The following PAK4 variants were observed in gnomAD, a reference collection of about 807,000 sequenced individuals.
PAK4 encodes serine/threonine-protein kinase PAK 4.
Under a neutral mutation model 53.5 loss-of-function variants are expected in PAK4, and 49 were observed. That is an observed-to-expected ratio of 0.92 (90% CI 0.73 to 1.16). PAK4 has a LOEUF of 1.16. Ranked by LOEUF, PAK4 falls within the 50% of genes most tolerant of loss-of-function variation. The probability of loss-of-function intolerance (pLI) is 0.00; values close to 1 mark genes in which losing one functional copy is unlikely to be tolerated. For missense variants in PAK4, 824 were observed against 850.7 expected (o/e 0.97, Z 0.39); for synonymous variants, 376 against 375.6 (o/e 1.00, Z -0.01).
At chr19:39,174,869 G>A in intron 4 of PAK4, 62 bp from the exon 6 acceptor site, 1 of 1,602,554 alleles carries the variant, frequency 6.2e-7, no homozygotes. Context: ...GGGTGGCGGT[G>A]GCTGGGTCTG....
chr19:39,169,662 C>T lies in PAK4; in HGVS notation c.109C>T (p.Arg37Cys), dbSNP rs781536944. ...CGAGCAGAAGTTCACGGGGCTGCCC[C>T]GCCAGTGGCAGAGCCTGATCGAGGA... is the stretch of plus-strand genomic sequence containing the variant. Residue 37 changes from arginine to cysteine, a missense_variant, in exon 2 of 9, where the codon CGC becomes TGC. Physicochemically the swap from Arg to Cys is radical, Grantham distance 180. Around this residue, in one of 2 missense-constraint regions of PAK4, gnomAD observed 478 missense variants for 435.8 expected, o/e 1.10. Transcript: ENST00000358301. 5.6e-6 allele frequency: 9 copies of T among 1,613,538 alleles called. No homozygotes were observed. The highest frequency in any genetic ancestry group is 3.3e-5 in the South Asian group (3 of 91,074).
chr19:39,131,788 A>C (rs1452477524), intron 1 of PAK4, among the ~76,000 whole-genome samples: 1 of 152,162 alleles, frequency 6.6e-6, no homozygotes, highest in Admixed American at 6.5e-5. Flanking sequence ...AGGGCTGCTC[A>C]GTCCACACAC....
At chr19:39,139,243 AGCTGGTGATCAGCC>A (rs532382346) in intron 1 of PAK4, among the ~76,000 whole-genome samples, 2,112 of 152,262 alleles carry the variant, frequency 0.014, 27 homozygotes, top group Non-Finnish European at 0.023. Context: ...CTCCTGTCAG[AGCTGGTGATCAGCC>A]GCACGGCCCC....
In PAK4 at chr19:39,173,303, C is replaced by T. The variant is rs752329610; in HGVS notation, c.590C>T (p.Ala197Val). 16 of 1,600,354 alleles carry T rather than the reference C, an allele frequency of 1.0e-5. No individual in the cohort carries two copies. Among genetic ancestry groups the T allele is most frequent in the East Asian group, 4.5e-5 (2 of 44,482 alleles). The change falls in exon 3 of 9, where the codon GCG (alanine) becomes GTG (valine). Residue 197 changes from alanine (A) to valine (V), a missense_variant. This residue lies in a region of PAK4 where 478 missense variants were observed against 435.8 expected (regional missense o/e 1.10). Transcript: ENST00000358301. The surrounding 1 kb of genome is among the most constrained non-coding windows in gnomAD (Gnocchi z 6.9). ...CAGCCTGCTGGTCTGGCCAGTGGGG[C>T]GAAACTGGCAGCTGGCCGGCCCTTT...
At chr19:39,140,193 C>T (rs957134278) in intron 1 of PAK4, among the ~76,000 whole-genome samples, 1 of 152,108 alleles carries the variant, frequency 6.6e-6, no homozygotes, top group Admixed American at 6.5e-5. Flanking sequence ...TGCATTTCAG[C>T]TTCCCTCCTC....
intron 1 of PAK4, among the ~76,000 whole-genome samples, chr19:39,156,355 G>T (rs1251745922): frequency 5.9e-5 from 9 of 151,986 alleles, no homozygotes; most frequent in Non-Finnish European, 1.3e-4. Flanking sequence ...ACATACCCTG[G>T]TCCCTTGTTT....
At chr19:39,136,962 T>G (rs761687672) in intron 1 of PAK4, among the ~76,000 whole-genome samples, 15 of 152,050 alleles carry the variant, frequency 9.9e-5, no homozygotes, top group Non-Finnish European at 1.9e-4. Flanking sequence ...AGGGGGCCTT[T>G]GAGGAATTGA....
chr19:39,182,375 T>G (rs995965676), downstream of PAK4: 1 of 152,236 alleles, frequency 6.6e-6, no homozygotes, highest in Non-Finnish European at 1.5e-5. Context: ...ACAAATTCTA[T>G]TACCATGCAG....
chr19:39,127,815 CT>C (rs1336254109), intron 1 of PAK4, among the ~76,000 whole-genome samples: 2 of 152,182 alleles, frequency 1.3e-5, no homozygotes, highest in African/African-American at 4.8e-5. Context: ...TCCCTTTCCC[CT>C]GGGAAGGCTC....
chr19:39,140,970 TAG>T (rs1355014800), intron 1 of PAK4, among the ~76,000 whole-genome samples: 1 of 152,150 alleles, frequency 6.6e-6, no homozygotes, highest in African/African-American at 2.4e-5. Context: ...TTACACTTAT[TAG>T]AGAGGCAGGA....
intron 2 of PAK4, among the ~76,000 whole-genome samples, chr19:39,172,679 C>T (rs1310991478): frequency 6.6e-6 from 1 of 152,168 alleles, no homozygotes; most frequent in Non-Finnish European, 1.5e-5. Flanking sequence ...TCCAGGGTCC[C>T]ACCGAGCCCA....
intron 1 of PAK4, among the ~76,000 whole-genome samples, chr19:39,162,201 T>C (rs2144776042): frequency 1.3e-5 from 2 of 152,246 alleles, no homozygotes; most frequent in East Asian, 3.9e-4. Context: ...CCTCAAGTGA[T>C]CTGCCTGCCT....
intron 1 of PAK4, among the ~76,000 whole-genome samples, chr19:39,166,811 A>G (rs551418759): frequency 6.6e-5 from 10 of 152,284 alleles, no homozygotes; most frequent in Non-Finnish European, 1.3e-4. Flanking sequence ...TCTGTTGGGA[A>G]GGGAGCGCCT....
chr19:39,129,471 T>C (rs1723113115), intron 1 of PAK4, among the ~76,000 whole-genome samples: 1 of 152,150 alleles, frequency 6.6e-6, no homozygotes, highest in African/African-American at 2.4e-5. Flanking sequence ...CTCCCCGCTT[T>C]CCTAGCGGTT....
At chr19:39,146,432 T>C (rs937629640) in intron 1 of PAK4, among the ~76,000 whole-genome samples, 2 of 152,210 alleles carry the variant, frequency 1.3e-5, no homozygotes, top group East Asian at 1.9e-4. Context: ...GCAAATAGCA[T>C]GTTCAAAGGC....
At chr19:39,130,134 G>A (rs1395837266) in intron 1 of PAK4, among the ~76,000 whole-genome samples, 1 of 141,668 alleles carries the variant, frequency 7.1e-6, no homozygotes, top group East Asian at 2.4e-4. Flanking sequence ...ATGTGGGGGG[G>A]ACCCAGGCAG....
chr19:39,147,841 GTT>G (rs35845376), intron 1 of PAK4, among the ~76,000 whole-genome samples: 10 of 13,240 alleles, frequency 7.6e-4, no homozygotes, highest in East Asian at 2.4e-3. Context: ...TTGTTTTCGG[GTT>G]TTTTTTTTTT....
chr19:39,151,957 C>G (rs1455923346), intron 1 of PAK4, among the ~76,000 whole-genome samples: 1 of 152,128 alleles, frequency 6.6e-6, no homozygotes, highest in Non-Finnish European at 1.5e-5. Context: ...TTAGTAGAGA[C>G]AAGGTTTCAC....
At chr19:39,171,576 G>A (rs1021852258) in intron 2 of PAK4, among the ~76,000 whole-genome samples, 2 of 152,224 alleles carry the variant, frequency 1.3e-5, no homozygotes, top group Admixed American at 1.3e-4. Context: ...GCAAGGCCCG[G>A]CTTCAGGCAG....
Sources: allele counts gnomAD v4.1 joint callset (sites outside exome capture counted in the v4.1 genomes callset), GRCh38; gene constraint gnomAD v4.1.1; regional missense constraint gnomAD v4.1.1; non-coding constraint Gnocchi (gnomAD v3.1); transcripts MANE v1.5; gene names NCBI Gene and HGNC (gene_info 2026-07-23, HGNC 2026-07-21).